SGCZ: variants seen among roughly 807,000 people sequenced by gnomAD.
The protein encoded by SGCZ is sarcoglycan zeta.
SGCZ carries 40 observed loss-of-function variants against 41.3 expected under a neutral mutation model. The ratio of observed to expected loss-of-function variants is 0.97; its 90% CI spans 0.75 to 1.26. The LOEUF is 1.26. Ranked by LOEUF, SGCZ falls within the 50% of genes most tolerant of loss-of-function variation. The pLI is 0.00. For missense variants in SGCZ, 552 were observed against 369.8 expected (o/e 1.49, Z -4.04); for synonymous variants, 206 against 137.5 (o/e 1.50, Z -3.49).
chr8:14,887,746 T>C (rs984377964), intron 1 of SGCZ, among the ~76,000 whole-genome samples: 1 of 152,144 alleles, frequency 6.6e-6, no homozygotes, highest in Non-Finnish European at 1.5e-5. Context: ...TTAAATAAAC[T>C]CACTAGAAAT....
chr8:15,086,300 A>G (rs187962763), intron 1 of SGCZ, among the ~76,000 whole-genome samples: 1 of 152,322 alleles, frequency 6.6e-6, no homozygotes, highest in East Asian at 1.9e-4. Context: ...GAAAACTACA[A>G]CGTGGTTGCT....
chr8:15,163,448 A>G (rs1799571923), intron 1 of SGCZ, among the ~76,000 whole-genome samples: 1 of 152,218 alleles, frequency 6.6e-6, no homozygotes, highest in East Asian at 1.9e-4. Flanking sequence ...GAAGATATGA[A>G]TACTGGAAAC....
chr8:15,179,096 C>A (rs1363051289), intron 1 of SGCZ, among the ~76,000 whole-genome samples: 1 of 151,756 alleles, frequency 6.6e-6, no homozygotes, highest in East Asian at 1.9e-4. Flanking sequence ...TGGGAACAAA[C>A]CTTCAGGAAA....
intron 1 of SGCZ, among the ~76,000 whole-genome samples, chr8:15,234,976 C>T (rs1165734867): frequency 6.6e-6 from 1 of 152,140 alleles, no homozygotes; most frequent in African/African-American, 2.4e-5. Context: ...ATATTTAAAG[C>T]ATCATAAAAA....
chr8:15,135,740 G>T (rs1205673986), intron 1 of SGCZ, among the ~76,000 whole-genome samples: 2 of 152,092 alleles, frequency 1.3e-5, no homozygotes, highest in Non-Finnish European at 2.9e-5. Context: ...CTTGGCCTGG[G>T]ATGGTTCTTG....
chr8:14,755,005 C>A (rs569690433), intron 1 of SGCZ, among the ~76,000 whole-genome samples: 1 of 152,322 alleles, frequency 6.6e-6, no homozygotes, highest in Non-Finnish European at 1.5e-5. Flanking sequence ...TCTAGGATTA[C>A]AGGCATCAGA....
intron 1 of SGCZ, among the ~76,000 whole-genome samples, chr8:14,971,719 G>A (rs1003882985): frequency 6.8e-6 from 1 of 146,478 alleles, no homozygotes; most frequent in Non-Finnish European, 1.5e-5. Context: ...GCACGACCTA[G>A]GCTGACTGCA....
chr8:15,011,561 GAT>G (rs1382907916), intron 1 of SGCZ, among the ~76,000 whole-genome samples: 2 of 152,074 alleles, frequency 1.3e-5, no homozygotes, highest in African/African-American at 4.8e-5. Context: ...CAGATTATAA[GAT>G]AGTTTTCACT....
rs1467880493 is a variant in SGCZ, at chr8:14,106,443, CT to C, written c.620+1719del. Among the ~76,000 whole-genome samples, 3 of 150,976 alleles carry C rather than the reference CT, an allele frequency of 2.0e-5. No individual in the cohort carries two copies. The East Asian group carries it at 6.3e-4, about 32-fold the overall frequency. ...TGCTCTTCTAAAATAAGTCTTAGTC[CT>C]TGAAGAAGGCCACTTTTTTTCCTAA... On this transcript the variant is annotated intron_variant, in intron 6 of 7. Coordinates refer to ENST00000382080, the MANE Select transcript of SGCZ (RefSeq NM_139167.4).
chr8:14,577,327 T>A (rs1804740630), intron 1 of SGCZ, among the ~76,000 whole-genome samples: 1 of 150,392 alleles, frequency 6.6e-6, no homozygotes, highest in Non-Finnish European at 1.5e-5. Context: ...TTCAACATTA[T>A]CAAATGAAGC....
At chr8:14,664,645 A>C (rs1220756278) in intron 1 of SGCZ, among the ~76,000 whole-genome samples, 2 of 152,176 alleles carry the variant, frequency 1.3e-5, no homozygotes, top group Non-Finnish European at 2.9e-5. Context: ...ATTACTTAAA[A>C]TGACTTATTT....
chr8:14,918,512 C>G (rs1363085659), intron 1 of SGCZ, among the ~76,000 whole-genome samples: 1 of 152,072 alleles, frequency 6.6e-6, no homozygotes, highest in Middle Eastern at 3.2e-3. Context: ...TTCCTACTCA[C>G]TAGAAAAGGG....
intron 1 of SGCZ, among the ~76,000 whole-genome samples, chr8:14,964,301 AAAC>A (rs1222071364): frequency 1.3e-5 from 2 of 152,200 alleles, no homozygotes; most frequent in Non-Finnish European, 2.9e-5. Flanking sequence ...CAAGACATGT[AAAC>A]AAGATAGAGC....
intron 5 of SGCZ, among the ~76,000 whole-genome samples, chr8:14,160,500 T>C (rs1376161424): frequency 6.6e-6 from 1 of 152,178 alleles, no homozygotes; most frequent in Non-Finnish European, 1.5e-5. Context: ...TTTTCAATTG[T>C]GCATAGGTGA....
chr8:14,911,739 A>G (rs1449565434), intron 1 of SGCZ, among the ~76,000 whole-genome samples: 1 of 151,896 alleles, frequency 6.6e-6, no homozygotes, highest in African/African-American at 2.4e-5. Flanking sequence ...ATTTATATAT[A>G]TGAATATATG....
At chr8:14,758,854 C>A (rs1249585085) in intron 1 of SGCZ, among the ~76,000 whole-genome samples, 2 of 151,886 alleles carry the variant, frequency 1.3e-5, no homozygotes, top group African/African-American at 4.8e-5. Flanking sequence ...ACTAAAAATA[C>A]AAAATTAACT....
intron 1 of SGCZ, among the ~76,000 whole-genome samples, chr8:15,074,732 G>C (rs1397198675): frequency 6.6e-6 from 1 of 151,782 alleles, no homozygotes; most frequent in East Asian, 1.9e-4. Context: ...CCCATGCTTT[G>C]TCATCTATTG....
intron 1 of SGCZ, among the ~76,000 whole-genome samples, chr8:14,589,887 G>A (rs1347477873): frequency 6.6e-6 from 1 of 152,132 alleles, no homozygotes; most frequent in Non-Finnish European, 1.5e-5. Context: ...GGCACTGACA[G>A]AATTTGAAAC....
At position 14,628,390 on chromosome 8, in the gene SGCZ, C is replaced by A. The variant is rs185893701; in HGVS notation, c.40-73464G>T. On this transcript the variant is annotated intron_variant, in intron 1 of 7. Transcript: ENST00000382080. ...TAGAGCACTGTGTTCTCCTGTTTCA[C>A]CTAGATGTCAGGAAACTCACAACAA... Among the ~76,000 whole-genome samples, 667 of 152,112 alleles carry A rather than the reference C, an allele frequency of 4.4e-3. 1 individual carries two copies. Among genetic ancestry groups the A allele is most frequent in the Non-Finnish European group, 7.1e-3 (485 of 67,956 alleles).
Sources: allele counts gnomAD v4.1 joint callset (sites outside exome capture counted in the v4.1 genomes callset), GRCh38; gene constraint gnomAD v4.1.1; transcripts MANE v1.5; gene names NCBI Gene and HGNC (gene_info 2026-07-23, HGNC 2026-07-21).